RFFL: variants seen among roughly 807,000 people sequenced by gnomAD.
RFFL encodes the protein ring finger and FYVE like domain containing E3 ubiquitin protein ligase.
RFFL carries 16 observed loss-of-function variants against 40.4 expected under a neutral mutation model. The ratio of observed to expected loss-of-function variants is 0.40; its 90% CI spans 0.27 to 0.60. RFFL has a LOEUF of 0.60. Among genes scored for constraint, RFFL ranks in the 20% least tolerant of loss-of-function variants. RFFL has a pLI of 0.47. For synonymous variants in RFFL, 154 were observed against 167.9 expected, an observed-to-expected ratio of 0.92 and a Z score of 0.64; for missense variants, 367 against 451.7, an observed-to-expected ratio of 0.81 and a Z score of 1.70.
In RFFL at chr17:35,069,316, A is replaced by AG. The variant is rs1453852107; in HGVS notation, c.-9+19788dup. ...TACCTTTGTTCATGTCCCCAAGTCT[A>AG]GGGGGCCTTTGTCAACACGTGTTTC... is the stretch of plus-strand genomic sequence containing the variant. On this transcript the variant is annotated intron_variant, in intron 1 of 6. Transcript: ENST00000315249. 10 of 456,656 alleles carry AG rather than the reference A, an allele frequency of 2.2e-5. No homozygotes were observed. In the Admixed American group the frequency reaches 2.3e-4, roughly 11 times the overall value. The allele number at this position is 456,656 out of a possible 1,614,324, so 28.3% of individuals were successfully genotyped here. A position where few individuals can be genotyped will look rare whatever the true frequency, so the allele number is the denominator to read the frequency against.
At chr17:35,088,307 T>TCGA (rs1567720723) in intron 1 of RFFL, among the ~76,000 whole-genome samples, 3 of 152,152 alleles carry the variant, frequency 2.0e-5, no homozygotes, top group African/African-American at 7.2e-5. Context: ...CGGTACACTC[T>TCGA]TGATTACACA....
chr17:35,078,861 T>G (rs1567718349), intron 1 of RFFL, among the ~76,000 whole-genome samples: 2 of 151,624 alleles, frequency 1.3e-5, no homozygotes, highest in African/African-American at 4.8e-5. Context: ...ACGCCTGTGG[T>G]CCCAGCTACT....
chr17:35,080,038 C>A (rs1198274754), intron 1 of RFFL, among the ~76,000 whole-genome samples: 1 of 152,122 alleles, frequency 6.6e-6, no homozygotes, highest in Non-Finnish European at 1.5e-5. Flanking sequence ...CCTTTCCACC[C>A]CTTGACAAAA....
intron 1 of RFFL, among the ~76,000 whole-genome samples, chr17:35,046,089 G>A (rs983615315): frequency 3.3e-5 from 5 of 151,134 alleles, no homozygotes; most frequent in Non-Finnish European, 5.9e-5. Context: ...GTAAATTAAG[G>A]ATTTTAAACA....
At chr17:35,031,870 A>AC (rs2091085346) in intron 1 of RFFL, among the ~76,000 whole-genome samples, 1 of 151,868 alleles carries the variant, frequency 6.6e-6, no homozygotes, top group African/African-American at 2.4e-5. Context: ...CCGAGGCAGG[A>AC]GGATCACGAG....
At chr17:35,075,460 T>C (rs1393317381) in intron 1 of RFFL, among the ~76,000 whole-genome samples, 9 of 152,272 alleles carry the variant, frequency 5.9e-5, no homozygotes, top group East Asian at 1.9e-4. Context: ...CCCATATAGC[T>C]AGTAATTTAG....
At chr17:35,065,141 TTGA>T (rs1358942171), upstream of RFFL, among the ~76,000 whole-genome samples, 2 of 152,070 alleles carry the variant, frequency 1.3e-5, no homozygotes, top group African/African-American at 2.4e-5. Context: ...ATTTCTGTAG[TTGA>T]TGATAAGTTA....
chr17:35,035,526 A>C (rs113990206), intron 1 of RFFL, among the ~76,000 whole-genome samples: 3 of 151,900 alleles, frequency 2.0e-5, no homozygotes, highest in African/African-American at 7.2e-5. Flanking sequence ...AGGAAAGATC[A>C]GGTAGTGGCA....
rs187062782 is a variant in RFFL, at chr17:35,012,471, G to T, written c.911-322C>A. ...GCTTAAAAGAAATAATTTTCAGACT[G>T]TTGGGGCTGTAATATAGTGAGTGTG... On this transcript the variant is annotated intron_variant, in intron 6 of 6. Coordinates refer to ENST00000394597, the MANE Select transcript of RFFL (RefSeq NM_001017368.2). Among the ~76,000 whole-genome samples the T allele has an allele frequency of 3.9e-5, 6 of 152,354 alleles. No individual in the cohort carries two copies. The East Asian group carries it at 1.2e-3, about 29-fold the overall frequency.
intron 5 of RFFL, among the ~76,000 whole-genome samples, chr17:35,015,770 T>G (rs1248794822): frequency 1.3e-5 from 2 of 152,250 alleles, no homozygotes; most frequent in African/African-American, 4.8e-5. Context: ...TCTGCAGGAC[T>G]TCTCTGCCTT....
intron 2 of RFFL, among the ~76,000 whole-genome samples, chr17:35,022,588 G>A (rs533183362): frequency 4.6e-5 from 7 of 152,284 alleles, no homozygotes; most frequent in Admixed American, 3.9e-4. Flanking sequence ...TCACACTCAA[G>A]GTCTGTTGGA....
chr17:35,012,343 A>C (rs2090946332), intron 6 of RFFL, among the ~76,000 whole-genome samples, 194 bp from the exon 7 acceptor site: 1 of 152,246 alleles, frequency 6.6e-6, no homozygotes. Context: ...TTACTTGTTT[A>C]ATCCACACTT....
chr17:35,056,011 C>T (rs1634800), intron 1 of RFFL, among the ~76,000 whole-genome samples: 56,186 of 151,738 alleles, frequency 0.37, 11,978 homozygotes, highest in Non-Finnish European at 0.47. Context: ...ACATTCCAGC[C>T]CACTCCAAAA....
intron 1 of RFFL, among the ~76,000 whole-genome samples, chr17:35,037,295 G>C (rs1345815763): frequency 6.6e-6 from 1 of 152,162 alleles, no homozygotes; most frequent in East Asian, 1.9e-4. Context: ...ATGGTTAAAA[G>C]CATCTATGTT....
chr17:35,080,561 CT>C (rs2091398861), intron 1 of RFFL, among the ~76,000 whole-genome samples: 1 of 152,106 alleles, frequency 6.6e-6, no homozygotes, highest in South Asian at 2.1e-4. Flanking sequence ...TTAAGAAAAG[CT>C]TTTTTTCCTT....
Position 35,026,456 on chromosome 17 carries a change from C to G in RFFL, c.98G>C (p.Gly33Ala). 2 of 1,613,722 alleles carry G rather than the reference C, an allele frequency of 1.2e-6. No individual in the cohort carries two copies. The highest frequency in any genetic ancestry group is 1.7e-6 in the Non-Finnish European group (2 of 1,179,836). Reference sequence around the variant, plus strand: ...TGTTGGGGAAGGGAAGGAGCTGTACCCAGGGTTGGAATAGGCCTGCATCCT... The same window carrying G: ...TGTTGGGGAAGGGAAGGAGCTGTACGCAGGGTTGGAATAGGCCTGCATCCT... ...GARMQAYSNP[G>A]YSSFPSPTGL... Residue 33 changes from glycine to alanine, a missense_variant, in exon 2 of 7, where the codon GGG becomes GCG. Coordinates refer to ENST00000394597, the MANE Select transcript of RFFL (RefSeq NM_001017368.2).
intron 6 of RFFL, 49 bp from the exon 7 acceptor site, chr17:35,012,198 A>T: frequency 6.4e-7 from 1 of 1,555,074 alleles, no homozygotes; most frequent in Non-Finnish European, 8.8e-7. Context: ...AGTGAGGAGA[A>T]TGTCTTAAGT....
intron 1 of RFFL, among the ~76,000 whole-genome samples, chr17:35,038,590 AAAC>A (rs1214030974): frequency 6.6e-6 from 1 of 152,358 alleles, no homozygotes; most frequent in East Asian, 1.9e-4. Context: ...CAATGAGAAA[AAAC>A]AAACAACTGA....
chr17:35,060,701 T>C (rs940868258), intron 1 of RFFL, among the ~76,000 whole-genome samples: 2 of 152,208 alleles, frequency 1.3e-5, no homozygotes, highest in Admixed American at 1.3e-4. Context: ...TAAGCAGCCA[T>C]GGGCTCATGT....
Sources: gnomAD v4.1 joint callset for allele counts (sites outside exome capture counted in the v4.1 genomes callset) on GRCh38, gnomAD v4.1.1 for gene constraint, MANE v1.5 for transcripts, NCBI Gene and HGNC (gene_info 2026-07-23, HGNC 2026-07-21) for gene names.